The following JAKMIP2 variants were observed in gnomAD, a reference collection of about 807,000 sequenced individuals.
The protein encoded by JAKMIP2 is janus kinase and microtubule interacting protein 2.
JAKMIP2 carries 25 observed loss-of-function variants against 115.0 expected under a neutral mutation model. That is an observed-to-expected ratio of 0.22 (90% CI 0.16 to 0.30). JAKMIP2 has a LOEUF of 0.30. Ranked by LOEUF, JAKMIP2 falls within the 10% of genes least tolerant of loss-of-function variation. The probability of loss-of-function intolerance (pLI) is 1.00; values close to 1 mark genes in which losing one functional copy is unlikely to be tolerated. For synonymous variants in JAKMIP2, 334 were observed against 343.6 expected (o/e 0.97, Z 0.31); for missense variants, 642 against 957.6 (o/e 0.67, Z 4.35).
In JAKMIP2 at chr5:147,632,666, C is replaced by G; in HGVS notation, c.1776+14G>C. On this transcript the variant is annotated intron_variant, in intron 13 of 21. Coordinates refer to ENST00000616793, the MANE Select transcript of JAKMIP2 (RefSeq NM_001270941.2). ...TTACGATTATTTTTATTATTATCAT[C>G]ATCATTTCCTTACTTCTAGCTCTAG... The G allele has an allele frequency of 6.8e-7, 1 of 1,475,510 alleles. No individual in the cohort carries two copies. The highest frequency in any genetic ancestry group is 2.3e-5 in the East Asian group (1 of 44,128). The allele number at this position is 1,475,510 out of a possible 1,614,324, so 91.4% of individuals were successfully genotyped here.
chr5:147,699,250 T>C (rs1451372354), intron 1 of JAKMIP2, among the ~76,000 whole-genome samples: 1 of 152,008 alleles, frequency 6.6e-6, no homozygotes, highest in East Asian at 1.9e-4. Context: ...CTGGCTTGAG[T>C]ATGTGTTGAC....
At chr5:147,606,323 G>T (rs71422531) in intron 20 of JAKMIP2, among the ~76,000 whole-genome samples, 1 of 152,078 alleles carries the variant, frequency 6.6e-6, no homozygotes, top group Non-Finnish European at 1.5e-5. Context: ...TAGGTCTTAC[G>T]TTTAAATCTT....
chr5:147,782,040 T>A (rs1031521552), intron 1 of JAKMIP2, among the ~76,000 whole-genome samples: 1 of 152,198 alleles, frequency 6.6e-6, no homozygotes, highest in African/African-American at 2.4e-5. Context: ...ATAATGAGTC[T>A]GGTAAGCTTA....
chr5:147,594,968 C>T (rs1437688940), intron 21 of JAKMIP2, among the ~76,000 whole-genome samples: 4 of 151,728 alleles, frequency 2.6e-5, no homozygotes, highest in South Asian at 2.1e-4. Flanking sequence ...TCCACTGAGA[C>T]GGGAAGGATG....
At chr5:147,594,446 C>T (rs1053789995) in intron 21 of JAKMIP2, 2 of 455,262 alleles carry the variant, frequency 4.4e-6, no homozygotes, top group African/African-American at 2.0e-5. Flanking sequence ...GCCATCCTTG[C>T]ACTTCAGCCT....
At chr5:147,771,378 C>A (rs1248594642) in intron 1 of JAKMIP2, among the ~76,000 whole-genome samples, 1 of 151,698 alleles carries the variant, frequency 6.6e-6, no homozygotes, top group Non-Finnish European at 1.5e-5. Context: ...TAGTGCAATG[C>A]TAGTATCTAG....
intron 16 of JAKMIP2, among the ~76,000 whole-genome samples, chr5:147,625,770 T>C (rs1265289675): frequency 6.6e-6 from 1 of 152,180 alleles, no homozygotes. Context: ...TACCCCAATG[T>C]ACATTATTTG....
intron 21 of JAKMIP2, among the ~76,000 whole-genome samples, chr5:147,593,791 C>A (rs1290628306): frequency 2.6e-5 from 4 of 152,068 alleles, no homozygotes; most frequent in Non-Finnish European, 5.9e-5. Context: ...GGGATGAGAG[C>A]CCCAAATAAC....
At chr5:147,751,068 G>C (rs1311660785) in intron 1 of JAKMIP2, among the ~76,000 whole-genome samples, 1 of 144,674 alleles carries the variant, frequency 6.9e-6, no homozygotes, top group Admixed American at 6.9e-5. Context: ...TTAAAAGTCA[G>C]AATGACTTTT....
intron 2 of JAKMIP2, among the ~76,000 whole-genome samples, chr5:147,670,061 C>CTGACTCCCA (rs1243089415): frequency 1.3e-5 from 2 of 152,194 alleles, no homozygotes; most frequent in African/African-American, 4.8e-5. Context: ...CCCGTGTCTT[C>CTGACTCCCA]TGACTCCCAA....
intron 19 of JAKMIP2, among the ~76,000 whole-genome samples, 182 bp from the exon 20 acceptor site, chr5:147,612,553 T>C (rs928827886): frequency 4.6e-5 from 7 of 152,240 alleles, no homozygotes; most frequent in African/African-American, 1.2e-4. Flanking sequence ...AAATTATCTA[T>C]GTTTGTGGTA....
chr5:147,633,434 T>A (rs1219807148), intron 12 of JAKMIP2, among the ~76,000 whole-genome samples: 5 of 152,318 alleles, frequency 3.3e-5, no homozygotes, highest in South Asian at 4.1e-4. Context: ...GCTCACTTTA[T>A]CTCCTTTGCT....
At chr5:147,747,289 A>G (rs1754382102) in intron 1 of JAKMIP2, among the ~76,000 whole-genome samples, 3 of 152,152 alleles carry the variant, frequency 2.0e-5, no homozygotes, top group Admixed American at 2.0e-4. Context: ...AAAGGTGGAA[A>G]TCATCACACA....
intron 20 of JAKMIP2, among the ~76,000 whole-genome samples, chr5:147,606,580 C>T (rs979983942): frequency 2.6e-5 from 4 of 152,182 alleles, no homozygotes; most frequent in African/African-American, 9.7e-5. Flanking sequence ...GTTTTGTTTA[C>T]TGTAGACTTG....
At chr5:147,658,804 A>T (rs1758813463) in intron 3 of JAKMIP2, among the ~76,000 whole-genome samples, 1 of 152,014 alleles carries the variant, frequency 6.6e-6, no homozygotes. Flanking sequence ...CCAGTCCAAA[A>T]ATCTCCCAGT....
chr5:147,594,337 C>CT (rs761641044), intron 21 of JAKMIP2: 536 of 365,060 alleles, frequency 1.5e-3, no homozygotes, highest in East Asian at 2.5e-3. Flanking sequence ...GCTACAAATT[C>CT]TTTTTTTTTC....
At chr5:147,603,019 GA>G (rs1226530918) in intron 20 of JAKMIP2, among the ~76,000 whole-genome samples, 1 of 152,180 alleles carries the variant, frequency 6.6e-6, no homozygotes, top group Non-Finnish European at 1.5e-5. Flanking sequence ...GTTCGAGAAT[GA>G]GAGTAATGGA....
chr5:147,623,736 G>A, intron 16 of JAKMIP2, 47 bp from the exon 17 acceptor site: 2 of 1,246,658 alleles, frequency 1.6e-6, no homozygotes, highest in Middle Eastern at 1.9e-4. Flanking sequence ...TGCTTGATAT[G>A]GTGTATATCT....
At chr5:147,649,810 A>G (rs1758308334) in intron 4 of JAKMIP2, among the ~76,000 whole-genome samples, 1 of 152,202 alleles carries the variant, frequency 6.6e-6, no homozygotes, top group African/African-American at 2.4e-5. Context: ...ATATAAGCCC[A>G]TTTCTATTGC....
Sources: gnomAD v4.1 joint callset for allele counts (sites outside exome capture counted in the v4.1 genomes callset) on GRCh38, gnomAD v4.1.1 for gene constraint, MANE v1.5 for transcripts, NCBI Gene and HGNC (gene_info 2026-07-23, HGNC 2026-07-21) for gene names.